The following PGBD5 variants were observed in gnomAD, a reference collection of about 807,000 sequenced individuals.
The protein encoded by PGBD5 is piggyBac transposable element-derived protein 5.
Under a neutral mutation model 47.9 loss-of-function variants are expected in PGBD5, and 14 were observed. The ratio of observed to expected loss-of-function variants is 0.29; its 90% CI spans 0.19 to 0.46. The LOEUF (loss-of-function observed/expected upper bound fraction) is 0.46, where lower values mean the gene tolerates loss of function less well. Ranked by LOEUF, PGBD5 falls within the 20% of genes least tolerant of loss-of-function variation. The probability of loss-of-function intolerance (pLI) is 1.00; values close to 1 mark genes in which losing one functional copy is unlikely to be tolerated. For missense variants in PGBD5, 635 were observed against 716.0 expected, an observed-to-expected ratio of 0.89 and a Z score of 1.29; for synonymous variants, 316 against 306.3, an observed-to-expected ratio of 1.03 and a Z score of -0.33.
At chr1:230,423,359 G>A (rs75393788) in intron 1 of PGBD5, among the ~76,000 whole-genome samples, 1 of 152,206 alleles carries the variant, frequency 6.6e-6, no homozygotes, top group Non-Finnish European at 1.5e-5. Context: ...AGATGGAAGA[G>A]AGATCCAGGC....
intron 1 of PGBD5, among the ~76,000 whole-genome samples, chr1:230,361,368 G>A (rs1667739550): frequency 6.6e-6 from 1 of 152,208 alleles, no homozygotes; most frequent in Admixed American, 6.5e-5. Flanking sequence ...CTGCTTGGGT[G>A]TGCCTCGGTG....
At chr1:230,404,626 A>T (rs1558213157) in intron 1 of PGBD5, among the ~76,000 whole-genome samples, 1 of 135,020 alleles carries the variant, frequency 7.4e-6, no homozygotes, top group Non-Finnish European at 1.6e-5. Context: ...AAAAAAAAAA[A>T]AAAATATATA....
At chr1:230,353,857 C>T (rs748588259) in intron 2 of PGBD5, among the ~76,000 whole-genome samples, 9 of 152,240 alleles carry the variant, frequency 5.9e-5, no homozygotes. Flanking sequence ...TCCAAGGCTC[C>T]TTTAGAGCCT....
At chr1:230,409,996 A>G (rs1657380082) in intron 1 of PGBD5, among the ~76,000 whole-genome samples, 1 of 152,180 alleles carries the variant, frequency 6.6e-6, no homozygotes, top group African/African-American at 2.4e-5. Context: ...AGGGCCTATA[A>G]GGTTGTGTTA....
intron 1 of PGBD5, among the ~76,000 whole-genome samples, chr1:230,403,504 C>T (rs1308970227): frequency 6.6e-6 from 1 of 152,306 alleles, no homozygotes; most frequent in South Asian, 2.1e-4. Flanking sequence ...GCTGGAGAGA[C>T]CAGCACCAGA....
Position 230,330,803 on chromosome 1 carries a change from G to A in PGBD5, c.1273+2041C>T, listed in dbSNP as rs531773239. Among the ~76,000 whole-genome samples, 47 of 152,234 alleles carry A rather than the reference G, an allele frequency of 3.1e-4. 1 individual carries two copies. The highest frequency in any genetic ancestry group is 7.9e-4 in the African/African-American group (33 of 41,536). On this transcript the variant is annotated intron_variant, in intron 5 of 6. Transcript: ENST00000391860. ...TCATTCCTTGGGATTTTTAAGGGAC[G>A]CTAGGATTCTGAACTTTATGATGTA...
intron 1 of PGBD5, among the ~76,000 whole-genome samples, chr1:230,412,359 A>G (rs1271442127): frequency 1.3e-5 from 2 of 150,772 alleles, no homozygotes; most frequent in East Asian, 3.9e-4. Context: ...TTTTCTATTC[A>G]TTAAGGGGAA....
intron 1 of PGBD5, chr1:230,368,138 G>A (rs1382615121): frequency 7.3e-7 from 1 of 1,367,884 alleles, no homozygotes; most frequent in South Asian, 1.1e-5. Context: ...TGGTGGTGAG[G>A]AGGAGGCTGC....
intron 1 of PGBD5, among the ~76,000 whole-genome samples, chr1:230,390,106 G>A (rs1656748906): frequency 6.6e-6 from 1 of 152,186 alleles, no homozygotes; most frequent in Non-Finnish European, 1.5e-5. Flanking sequence ...CATCAGGCGA[G>A]GCTGCTTTGT....
intron 1 of PGBD5, among the ~76,000 whole-genome samples, chr1:230,375,936 G>A (rs148529276): frequency 3.1e-3 from 468 of 151,884 alleles, no homozygotes; most frequent in Non-Finnish European, 3.5e-3. Context: ...TGTGTGCCCT[G>A]TGTGAGATGC....
At chr1:230,340,251 A>G (rs912054415) in intron 3 of PGBD5, among the ~76,000 whole-genome samples, 2 of 152,172 alleles carry the variant, frequency 1.3e-5, no homozygotes, top group East Asian at 1.9e-4. Context: ...TACCATGTCC[A>G]TTTCAGGGTT....
chr1:230,355,091 G>A (rs759514109), intron 2 of PGBD5, among the ~76,000 whole-genome samples: 3 of 152,116 alleles, frequency 2.0e-5, no homozygotes, highest in African/African-American at 7.2e-5. Flanking sequence ...AGAATAACAC[G>A]ATCATCCTTC....
chr1:230,356,086 T>C (rs1315859122), intron 2 of PGBD5, among the ~76,000 whole-genome samples: 1 of 152,192 alleles, frequency 6.6e-6, no homozygotes, highest in African/African-American at 2.4e-5. Context: ...ATACATAAAA[T>C]TGAACTGAAC....
chr1:230,340,406 G>A (rs934588734), intron 3 of PGBD5, among the ~76,000 whole-genome samples: 12 of 152,130 alleles, frequency 7.9e-5, no homozygotes, highest in African/African-American at 2.9e-4. Flanking sequence ...CATAGAAAAT[G>A]TTCACAATAT....
At chr1:230,410,632 G>C (rs1457722449) in intron 1 of PGBD5, among the ~76,000 whole-genome samples, 2 of 152,076 alleles carry the variant, frequency 1.3e-5, no homozygotes, top group African/African-American at 4.8e-5. Flanking sequence ...CAAGGGAAAA[G>C]AGAACACTTC....
At chr1:230,347,852 T>A (rs999791750) in intron 3 of PGBD5, among the ~76,000 whole-genome samples, 1 of 152,146 alleles carries the variant, frequency 6.6e-6, no homozygotes, top group African/African-American at 2.4e-5. Flanking sequence ...ACAAAATCGA[T>A]GTGCCATATA....
At chr1:230,370,413 C>CTATT (rs10670628) in intron 1 of PGBD5, among the ~76,000 whole-genome samples, 108,016 of 151,722 alleles carry the variant, frequency 0.71, 38,851 homozygotes, top group Non-Finnish European at 0.74. Context: ...GGGAAACATC[C>CTATT]TATTTATCAA....
chr1:230,399,888 CTCA>C (rs1357467681), intron 1 of PGBD5, among the ~76,000 whole-genome samples: 1 of 152,272 alleles, frequency 6.6e-6, no homozygotes, highest in Non-Finnish European at 1.5e-5. Context: ...CTGAAGGCGT[CTCA>C]TCGTCTCCAC....
At chr1:230,354,259 G>A (rs1000516822) in intron 2 of PGBD5, among the ~76,000 whole-genome samples, 22 of 152,206 alleles carry the variant, frequency 1.4e-4, no homozygotes, top group Non-Finnish European at 2.1e-4. Flanking sequence ...CAGACCCTTT[G>A]ACTCTCCTGG....
Sources: gnomAD v4.1 joint callset for allele counts (sites outside exome capture counted in the v4.1 genomes callset) on GRCh38, gnomAD v4.1.1 for gene constraint, MANE v1.5 for transcripts, NCBI Gene and HGNC (gene_info 2026-07-23, HGNC 2026-07-21) for gene names.